The following TRIO variants were observed in gnomAD, a reference collection of about 807,000 sequenced individuals.
The protein encoded by TRIO is trio Rho guanine nucleotide exchange factor.
TRIO carries 58 observed loss-of-function variants against 351.9 expected under a neutral mutation model. That is an observed-to-expected ratio of 0.16 (90% CI 0.13 to 0.21). The LOEUF is 0.21. Ranked by LOEUF, TRIO falls within the 10% of genes least tolerant of loss-of-function variation. The pLI is 1.00. For synonymous variants in TRIO, 1,758 were observed against 1,595.7 expected (o/e 1.10, Z -2.42); for missense variants, 3,201 against 4,027.8 (o/e 0.79, Z 5.56).
intron 8 of TRIO, among the ~76,000 whole-genome samples, chr5:14,314,651 C>T (rs535347702): frequency 2.0e-5 from 3 of 152,180 alleles, no homozygotes; most frequent in Admixed American, 6.5e-5. Context: ...TAGATGATCA[C>T]GAAAAGCAGG....
intron 31 of TRIO, among the ~76,000 whole-genome samples, chr5:14,405,378 G>T (rs1380358777): frequency 6.6e-6 from 1 of 152,236 alleles, no homozygotes; most frequent in Non-Finnish European, 1.5e-5. Context: ...GCTAGGCACA[G>T]GGGGCTGGAG....
At chr5:14,472,485 A>G (rs1041421343) in intron 38 of TRIO, 107 bp from the exon 39 acceptor site, 2 of 1,139,804 alleles carry the variant, frequency 1.8e-6, no homozygotes, top group African/African-American at 1.6e-5. Context: ...CAAATTTGAT[A>G]CATTACTATT....
chr5:14,498,685 G>A (rs376587786), intron 53 of TRIO, 45 bp downstream of exon 53: 17 of 1,596,628 alleles, frequency 1.1e-5, no homozygotes, highest in African/African-American at 4.0e-5. Context: ...AGTGGGGCAC[G>A]TCTTTCAGGA....
intron 4 of TRIO, among the ~76,000 whole-genome samples, chr5:14,289,965 A>G (rs1173117849): frequency 6.6e-6 from 1 of 152,256 alleles, no homozygotes; most frequent in Non-Finnish European, 1.5e-5. Context: ...AGGACTGTTC[A>G]GAATCACAGC....
chr5:14,244,665 C>T (rs1441140407), intron 1 of TRIO, among the ~76,000 whole-genome samples: 32 of 152,300 alleles, frequency 2.1e-4, no homozygotes. Context: ...ATTTGAAATT[C>T]TGCTGAGCTT....
intron 1 of TRIO, among the ~76,000 whole-genome samples, chr5:14,166,328 A>G (rs112023118): frequency 6.6e-5 from 10 of 152,260 alleles, no homozygotes; most frequent in African/African-American, 2.4e-4. Context: ...TTGACACTTA[A>G]TTCTCTTACT....
At chr5:14,238,565 A>G in intron 1 of TRIO, among the ~76,000 whole-genome samples, 1 of 152,220 alleles carries the variant, frequency 6.6e-6, no homozygotes, top group East Asian at 1.9e-4. Context: ...GATAAGGGGT[A>G]TGAATCTTTC....
At chr5:14,256,401 C>T (rs892492739) in intron 1 of TRIO, among the ~76,000 whole-genome samples, 1 of 152,170 alleles carries the variant, frequency 6.6e-6, no homozygotes, top group East Asian at 1.9e-4. Context: ...AACATCCAAA[C>T]TATATCAAAT....
In TRIO at chr5:14,394,138, T is replaced by C. The variant is rs1467892384; in HGVS notation, c.4311+8T>C. On this transcript the variant is annotated splice_region_variant and intron_variant, in intron 28 of 56. Coordinates refer to ENST00000344204, the MANE Select transcript of TRIO (RefSeq NM_007118.4). ...TATCAGCTCCTTTTAAAAGTATGTA[T>C]AATGCGTCTTCAGCCTGTGAAATTT... 3 of 1,562,498 alleles carry C rather than the reference T, an allele frequency of 1.9e-6. No individual in the cohort carries two copies. Among genetic ancestry groups the C allele is most frequent in the South Asian group, 1.1e-5 (1 of 87,818 alleles).
At chr5:14,458,510 G>A (rs915053991) in intron 34 of TRIO, among the ~76,000 whole-genome samples, 11 of 152,086 alleles carry the variant, frequency 7.2e-5, no homozygotes, top group Admixed American at 2.6e-4. Context: ...TTTGTACCTC[G>A]CCTATAGTAC....
At chr5:14,455,197 C>A (rs1753185218) in intron 34 of TRIO, among the ~76,000 whole-genome samples, 1 of 152,278 alleles carries the variant, frequency 6.6e-6, no homozygotes, top group Non-Finnish European at 1.5e-5. Context: ...CTGGCTTGGG[C>A]AGCCTGCTTT....
chr5:14,231,975 T>G (rs1793462615), intron 1 of TRIO, among the ~76,000 whole-genome samples: 1 of 152,102 alleles, frequency 6.6e-6, no homozygotes, highest in South Asian at 2.1e-4. Flanking sequence ...GGTGTTAAAG[T>G]CTACTGGAGA....
At chr5:14,363,374 A>G (rs1339024956) in intron 13 of TRIO, among the ~76,000 whole-genome samples, 1 of 152,044 alleles carries the variant, frequency 6.6e-6, no homozygotes, top group Non-Finnish European at 1.5e-5. Context: ...TTCTCTTACT[A>G]TTTTTGAACA....
At chr5:14,346,459 C>A (rs1326672320) in intron 11 of TRIO, among the ~76,000 whole-genome samples, 2 of 152,200 alleles carry the variant, frequency 1.3e-5, no homozygotes, top group South Asian at 2.1e-4. Context: ...AATTATATCA[C>A]CATATTGAGC....
intron 8 of TRIO, among the ~76,000 whole-genome samples, chr5:14,305,409 G>A (rs1489569617): frequency 6.6e-6 from 1 of 152,204 alleles, no homozygotes; most frequent in African/African-American, 2.4e-5. Context: ...GGAGGTGAAG[G>A]CGAGGGGTGT....
At chr5:14,176,902 C>T (rs1789438274) in intron 1 of TRIO, among the ~76,000 whole-genome samples, 1 of 152,116 alleles carries the variant, frequency 6.6e-6, no homozygotes, top group Non-Finnish European at 1.5e-5. Flanking sequence ...TCTTTATGGC[C>T]ATTAAATATT....
intron 33 of TRIO, among the ~76,000 whole-genome samples, chr5:14,416,442 T>C (rs1200172496): frequency 6.6e-6 from 1 of 152,274 alleles, no homozygotes; most frequent in East Asian, 1.9e-4. Context: ...CTATGGGGCC[T>C]CTCTTTTTGG....
At position 14,316,630 on chromosome 5, in the gene TRIO, G is replaced by A; in HGVS notation, c.1618G>A (p.Val540Ile). 1 of 1,614,222 alleles carries A rather than the reference G, an allele frequency of 6.2e-7. No individual in the cohort carries two copies. The highest frequency in any genetic ancestry group is 1.1e-5 in the South Asian group (1 of 91,086). ...YSKAVHHVLD[V>I]IHEVLHHQRQ... ...CAAGGCCGTGCACCATGTCCTGGAT[G>A]TCATCCACGAGGTGCTGCACCACCA... The change falls in exon 9 of 57, where the codon GTC becomes ATC. Residue 540 changes from valine to isoleucine, a missense_variant. Coordinates refer to ENST00000344204, the MANE Select transcript of TRIO (RefSeq NM_007118.4).
intron 1 of TRIO, among the ~76,000 whole-genome samples, chr5:14,155,580 G>A (rs77359777): frequency 0.01 from 1,529 of 152,256 alleles, 32 homozygotes; most frequent in African/African-American, 0.035. Flanking sequence ...TGTCTCCCTT[G>A]TTACCCTGAT....
Sources: gnomAD v4.1 joint callset for allele counts (sites outside exome capture counted in the v4.1 genomes callset) on GRCh38, gnomAD v4.1.1 for gene constraint, MANE v1.5 for transcripts, NCBI Gene and HGNC (gene_info 2026-07-23, HGNC 2026-07-21) for gene names.